CADPS: variants seen among roughly 807,000 people sequenced by gnomAD.
CADPS encodes calcium dependent secretion activator.
CADPS carries 57 observed loss-of-function variants against 167.3 expected under a neutral mutation model. The observed-to-expected ratio is 0.34, with a 90% confidence interval of 0.28 to 0.42. CADPS has a LOEUF of 0.42. CADPS is among the 20% of genes least tolerant of loss of function. The pLI is 1.00. For missense variants in CADPS, 1,414 were observed against 1,738.1 expected, an observed-to-expected ratio of 0.81 and a Z score of 3.32; for synonymous variants, 676 against 635.3, an observed-to-expected ratio of 1.06 and a Z score of -0.96.
chr3:62,820,583 T>C (rs925098552), intron 1 of CADPS, among the ~76,000 whole-genome samples: 2 of 152,068 alleles, frequency 1.3e-5, no homozygotes, highest in Non-Finnish European at 2.9e-5. Flanking sequence ...AAGTTGCAGG[T>C]CCTTATTTTG....
intron 4 of CADPS, among the ~76,000 whole-genome samples, 161 bp from the exon 5 acceptor site, chr3:62,651,241 G>T (rs1397220964): frequency 6.6e-6 from 1 of 152,170 alleles, no homozygotes; most frequent in Admixed American, 6.5e-5. Context: ...GCCTATTTGA[G>T]TAGACAGCTG....
rs751375488 is a variant in CADPS, at chr3:62,491,550, C to CACAA, written c.2885-71_2885-70insTTGT. 24 of 900,664 alleles carry CACAA rather than the reference C, an allele frequency of 2.7e-5. No individual in the cohort carries two copies. In the African/African-American group the frequency reaches 2.9e-4, roughly 11 times the overall value. 55.8% of individuals were successfully genotyped at this position (900,664 alleles called of 1,614,324 possible). On this transcript the variant is annotated intron_variant, in intron 20 of 29. Coordinates refer to ENST00000383710, the MANE Select transcript of CADPS (RefSeq NM_003716.4). ...TATCAACGTACAACACACACACACACACACACAAACACACACACACACACA... is the reference window on the plus strand; with the variant it reads ...TATCAACGTACAACACACACACACACACAAACACACAAACACACACACACACACA...
At chr3:62,683,695 C>T (rs1486331046) in intron 3 of CADPS, among the ~76,000 whole-genome samples, 1 of 152,022 alleles carries the variant, frequency 6.6e-6, no homozygotes, top group East Asian at 1.9e-4. Context: ...ATTAAGGACA[C>T]TACATTACAT....
intron 28 of CADPS, among the ~76,000 whole-genome samples, chr3:62,435,194 AC>A (rs2054745533): frequency 6.6e-6 from 1 of 152,196 alleles, no homozygotes; most frequent in African/African-American, 2.4e-5. Context: ...TTGCCCCAGG[AC>A]CCCTATCATT....
intron 9 of CADPS, among the ~76,000 whole-genome samples, chr3:62,564,075 C>T (rs978453835): frequency 2.0e-5 from 3 of 152,032 alleles, no homozygotes; most frequent in African/African-American, 2.4e-5. Context: ...GATCTCGGCT[C>T]ACTGCAAACT....
intron 6 of CADPS, among the ~76,000 whole-genome samples, chr3:62,612,205 A>G (rs1051540559): frequency 5.3e-5 from 8 of 152,230 alleles, no homozygotes; most frequent in African/African-American, 1.9e-4. Flanking sequence ...AGCTACTTAA[A>G]TTATTTGGGC....
At chr3:62,760,173 A>AT (rs1384499471) in intron 2 of CADPS, among the ~76,000 whole-genome samples, 1 of 152,142 alleles carries the variant, frequency 6.6e-6, no homozygotes, top group African/African-American at 2.4e-5. Context: ...TATGGACACC[A>AT]TACCACCATG....
At chr3:62,666,289 C>T (rs1445028370) in intron 3 of CADPS, among the ~76,000 whole-genome samples, 1 of 152,122 alleles carries the variant, frequency 6.6e-6, no homozygotes, top group East Asian at 1.9e-4. Flanking sequence ...ACTGAAGCTC[C>T]CTAAAATAGC....
At chr3:62,564,916 T>G (rs1230163884) in intron 9 of CADPS, among the ~76,000 whole-genome samples, 1 of 152,176 alleles carries the variant, frequency 6.6e-6, no homozygotes, top group Non-Finnish European at 1.5e-5. Context: ...CCAGAAATCT[T>G]TTGATCACAG....
intron 8 of CADPS, among the ~76,000 whole-genome samples, chr3:62,572,523 C>A (rs1284137982): frequency 6.6e-6 from 1 of 152,096 alleles, no homozygotes; most frequent in African/African-American, 2.4e-5. Flanking sequence ...TTCAGTGCCT[C>A]CCCCCTACCC....
At chr3:62,811,350 A>G (rs1342890335) in intron 1 of CADPS, among the ~76,000 whole-genome samples, 1 of 152,040 alleles carries the variant, frequency 6.6e-6, no homozygotes, top group African/African-American at 2.4e-5. Flanking sequence ...TGCTCATTGC[A>G]TAATCACCTC....
Position 62,616,499 on chromosome 3 carries a change from G to A in CADPS, c.1326-23751C>T, listed in dbSNP as rs188676833. Reference sequence around the variant, plus strand: ...GCTCTTCCTACAGCAGTGGTGTTCAGGGACTTACATTCAGATCTTACCATG... The same window carrying A: ...GCTCTTCCTACAGCAGTGGTGTTCAAGGACTTACATTCAGATCTTACCATG... On this transcript the variant is annotated intron_variant, in intron 6 of 29. Coordinates refer to ENST00000383710, the MANE Select transcript of CADPS (RefSeq NM_003716.4). 2.5e-3 allele frequency among the ~76,000 whole-genome samples: 379 copies of A among 152,218 alleles called. 3 individuals carry two copies. The highest frequency in any genetic ancestry group is 8.6e-3 in the African/African-American group (356 of 41,536).
At chr3:62,691,105 A>G (rs1185701675) in intron 3 of CADPS, among the ~76,000 whole-genome samples, 3 of 152,002 alleles carry the variant, frequency 2.0e-5, no homozygotes, top group Non-Finnish European at 1.5e-5. Flanking sequence ...TTTCAACTAT[A>G]TGACACTCTG....
intron 2 of CADPS, among the ~76,000 whole-genome samples, chr3:62,755,922 A>AGTCT (rs1356465783): frequency 6.6e-6 from 1 of 152,206 alleles, no homozygotes; most frequent in Non-Finnish European, 1.5e-5. Context: ...TAGTGGAGGA[A>AGTCT]GTCTCTGGAA....
At chr3:62,523,757 T>C (rs566060990) in intron 13 of CADPS, among the ~76,000 whole-genome samples, 1 of 152,308 alleles carries the variant, frequency 6.6e-6, no homozygotes, top group South Asian at 2.1e-4. Flanking sequence ...CTCCAGTCAC[T>C]ACCAACAAGG....
chr3:62,776,005 C>G (rs1367411949), intron 1 of CADPS, among the ~76,000 whole-genome samples: 1 of 152,214 alleles, frequency 6.6e-6, no homozygotes, highest in East Asian at 1.9e-4. Context: ...TCTTCCTCAT[C>G]ATTGCTTTTG....
intron 1 of CADPS, among the ~76,000 whole-genome samples, chr3:62,851,567 GA>G (rs2078596101): frequency 6.9e-6 from 1 of 144,344 alleles, no homozygotes; most frequent in Non-Finnish European, 1.5e-5. Flanking sequence ...ATTCTGGGTT[GA>G]AAATTCTTTT....
chr3:62,829,948 CAG>C (rs1020262709), intron 1 of CADPS, among the ~76,000 whole-genome samples: 8 of 152,144 alleles, frequency 5.3e-5, no homozygotes, highest in African/African-American at 1.9e-4. Flanking sequence ...TGTCAATAAA[CAG>C]GGGCATCTCT....
chr3:62,635,800 C>T (rs545290356), intron 6 of CADPS, among the ~76,000 whole-genome samples: 4 of 152,176 alleles, frequency 2.6e-5, no homozygotes, highest in Admixed American at 6.5e-5. Context: ...ACATTGGGCC[C>T]CTTCTCAGCT....
Sources: gnomAD v4.1 joint callset for allele counts (sites outside exome capture counted in the v4.1 genomes callset) on GRCh38, gnomAD v4.1.1 for gene constraint, MANE v1.5 for transcripts, NCBI Gene and HGNC (gene_info 2026-07-23, HGNC 2026-07-21) for gene names.